The following GPD2 variants were observed in gnomAD, a reference collection of about 807,000 sequenced individuals.
GPD2 encodes glycerol-3-phosphate dehydrogenase 2.
GPD2 carries 54 observed loss-of-function variants against 82.4 expected under a neutral mutation model. The ratio of observed to expected loss-of-function variants is 0.66; its 90% CI spans 0.53 to 0.82. The LOEUF (loss-of-function observed/expected upper bound fraction) is 0.82, where lower values mean the gene tolerates loss of function less well. Ranked by LOEUF, GPD2 falls within the 40% of genes least tolerant of loss-of-function variation. The pLI is 0.00. For missense variants in GPD2, 748 were observed against 896.2 expected (o/e 0.83, Z 2.11); for synonymous variants, 288 against 306.1 (o/e 0.94, Z 0.62).
chr2:156,434,069 A>G (rs1401155551), upstream of GPD2, among the ~76,000 whole-genome samples: 2 of 152,164 alleles, frequency 1.3e-5, no homozygotes, highest in Admixed American at 6.5e-5. Flanking sequence ...CATACTTAAT[A>G]TAACCAGTCT....
chr2:156,506,221 A>G (rs1018193630), intron 3 of GPD2, among the ~76,000 whole-genome samples: 2 of 152,218 alleles, frequency 1.3e-5, no homozygotes, highest in Non-Finnish European at 2.9e-5. Flanking sequence ...TTTATGTTAC[A>G]TGGCATTTTA....
chr2:156,580,856 A>G (rs1982058), intron 16 of GPD2, among the ~76,000 whole-genome samples: 149,020 of 152,310 alleles, frequency 0.98, 72,999 homozygotes, highest in East Asian at 1. Context: ...ATTTTAAATT[A>G]AATTTAAAAT....
chr2:156,529,160 GT>G (rs1280539083), intron 6 of GPD2, among the ~76,000 whole-genome samples: 1 of 149,208 alleles, frequency 6.7e-6, no homozygotes, highest in Admixed American at 6.7e-5. Flanking sequence ...TCTCATTGTG[GT>G]TTTGATTTGC....
At chr2:156,450,676 T>TTTTC (rs1299493052) in intron 1 of GPD2, among the ~76,000 whole-genome samples, 1 of 61,862 alleles carries the variant, frequency 1.6e-5, no homozygotes, top group African/African-American at 5.4e-5. Context: ...TTTTTTTTTT[T>TTTTC]TTTTTTATTG....
intron 9 of GPD2, among the ~76,000 whole-genome samples, chr2:156,558,894 G>A (rs1022518314): frequency 6.7e-6 from 1 of 149,496 alleles, no homozygotes; most frequent in Non-Finnish European, 1.5e-5. Flanking sequence ...GGGATTACAG[G>A]AGTGAGCCAC....
At position 156,568,954 on chromosome 2, in the gene GPD2, T is replaced by C. The variant is rs746127163; in HGVS notation, c.1295T>C (p.Ile432Thr). Residue 432 changes from isoleucine (I) to threonine (T), a missense_variant, in exon 10 of 17, where the codon ATA (isoleucine) becomes ACA (threonine). Ile to Thr is a moderately conservative substitution (Grantham distance 89, BLOSUM62 -1). Coordinates refer to ENST00000438166, the MANE Select transcript of GPD2 (RefSeq NM_000408.5). Reference sequence around the variant, plus strand: ...ATCAGTGAGAGTGGCCTTATTACTATAGCAGGTATGAGATACTACCTTGTT... The same window carrying C: ...ATCAGTGAGAGTGGCCTTATTACTACAGCAGGTATGAGATACTACCTTGTT... The part of the protein sequence containing the change: ...VDISESGLIT[I>T]AGGKWTTYRS... 31 of 1,607,564 alleles carry C rather than the reference T, an allele frequency of 1.9e-5. 1 individual carries two copies. The highest frequency in any genetic ancestry group is 7.7e-6 in the Non-Finnish European group (9 of 1,174,688).
rs190149749 is a variant in GPD2 at position 156,472,189 on chromosome 2, A to C, written c.-8-3909A>C. Among the ~76,000 whole-genome samples the C allele has an allele frequency of 7.5e-3, 1,136 of 151,104 alleles. 15 individuals carry two copies. The highest frequency in any genetic ancestry group is 0.027 in the African/African-American group (1,079 of 40,508). On this transcript the variant is annotated intron_variant, in intron 1 of 16. Transcript: ENST00000438166. ...TAAAGCTGTTACTTAGAAGGAAATAATCTTTTTTTTTTGTTTGTAATCATT... is the reference window on the plus strand; with the variant it reads ...TAAAGCTGTTACTTAGAAGGAAATACTCTTTTTTTTTTGTTTGTAATCATT...
intron 13 of GPD2, among the ~76,000 whole-genome samples, chr2:156,576,812 ATTG>A (rs1687839109): frequency 6.6e-6 from 1 of 152,222 alleles, no homozygotes; most frequent in Admixed American, 6.5e-5. Context: ...CGAGAAAGAA[ATTG>A]TTGTTGCAGG....
chr2:156,534,010 T>A (rs1281363492), intron 6 of GPD2, among the ~76,000 whole-genome samples: 1 of 152,230 alleles, frequency 6.6e-6, no homozygotes, highest in Non-Finnish European at 1.5e-5. Flanking sequence ...GCCCTCTTGG[T>A]ACCCAGGTTC....
chr2:156,407,232 T>A, the GPD2 span, among the ~76,000 whole-genome samples: 2 of 152,234 alleles, frequency 1.3e-5, no homozygotes, highest in Non-Finnish European at 2.9e-5. Flanking sequence ...ACCATTGTTA[T>A]CAGTGTCCTG....
the GPD2 span, among the ~76,000 whole-genome samples, chr2:156,403,114 C>CAAAAAAA: frequency 0.57 from 38,212 of 67,566 alleles, 12,271 homozygotes; most frequent in South Asian, 0.7. Flanking sequence ...GCCCCTGTCT[C>CAAAAAAA]AAAAAAAAAA....
upstream of GPD2, among the ~76,000 whole-genome samples, chr2:156,432,364 C>T (rs1428517687): frequency 2.0e-5 from 3 of 152,190 alleles, no homozygotes; most frequent in African/African-American, 4.8e-5. Context: ...CCATCACCCA[C>T]ATACTGAACA....
chr2:156,533,708 C>T lies in GPD2; in HGVS notation c.662-15900C>T, dbSNP rs190659022. ...AATGTAGGTCTAGGCATACATTATA[C>T]TGTTGCTGCATGTATGTAAAATTTT... On this transcript the variant is annotated intron_variant, in intron 6 of 16. Coordinates refer to ENST00000438166, the MANE Select transcript of GPD2 (RefSeq NM_000408.5). 2.2e-3 allele frequency among the ~76,000 whole-genome samples: 331 copies of T among 152,320 alleles called. 4 individuals carry two copies. The highest frequency in any genetic ancestry group is 7.4e-3 in the African/African-American group (309 of 41,566).
At chr2:156,579,958 G>C (rs1687970799) in intron 16 of GPD2, among the ~76,000 whole-genome samples, 170 bp downstream of exon 16, 1 of 152,206 alleles carries the variant, frequency 6.6e-6, no homozygotes, top group African/African-American at 2.4e-5. Flanking sequence ...TCAAGTGTAA[G>C]GCTCTACTGT....
chr2:156,484,008 T>C (rs1227159783), intron 2 of GPD2, among the ~76,000 whole-genome samples: 1 of 151,236 alleles, frequency 6.6e-6, no homozygotes. Flanking sequence ...TTTTTTTTTT[T>C]TTTACCAGAT....
chr2:156,526,210 A>G (rs2105296544), intron 6 of GPD2, among the ~76,000 whole-genome samples: 1 of 152,310 alleles, frequency 6.6e-6, no homozygotes, highest in African/African-American at 2.4e-5. Flanking sequence ...TTAGCCATCA[A>G]TAAACCACAC....
chr2:156,522,394 G>A (rs1359570912), intron 6 of GPD2, among the ~76,000 whole-genome samples: 1 of 152,196 alleles, frequency 6.6e-6, no homozygotes, highest in African/African-American at 2.4e-5. Flanking sequence ...TAGGATGTAT[G>A]TAAGTTGTTT....
At chr2:156,574,073 A>G (rs1687731360) in intron 13 of GPD2, among the ~76,000 whole-genome samples, 1 of 152,214 alleles carries the variant, frequency 6.6e-6, no homozygotes, top group Non-Finnish European at 1.5e-5. Flanking sequence ...GCATTTATGC[A>G]TAGTTTCCAA....
chr2:156,510,710 T>A (rs750720129), intron 3 of GPD2, 86 bp from the exon 4 acceptor site: 72 of 1,088,114 alleles, frequency 6.6e-5, no homozygotes, highest in Non-Finnish European at 9.9e-5. Context: ...TTTCTTGTGA[T>A]TGTCTCTACC....
Sources: gnomAD v4.1 joint callset for allele counts (sites outside exome capture counted in the v4.1 genomes callset) on GRCh38, gnomAD v4.1.1 for gene constraint, MANE v1.5 for transcripts, NCBI Gene and HGNC (gene_info 2026-07-23, HGNC 2026-07-21) for gene names.